ITGA11: variants seen among roughly 807,000 people sequenced by gnomAD.
ITGA11 encodes the protein integrin alpha-11.
A neutral mutation model predicts 141.9 loss-of-function variants in ITGA11; 97 were observed. That is an observed-to-expected ratio of 0.68 (90% CI 0.58 to 0.81). ITGA11 has a LOEUF of 0.81. Among genes scored for constraint, ITGA11 ranks in the 30% least tolerant of loss-of-function variants. The pLI, the probability that ITGA11 is intolerant of heterozygous loss-of-function variation, is 0.00. For synonymous variants in ITGA11, 658 were observed against 624.6 expected (o/e 1.05, Z -0.80); for missense variants, 1,387 against 1,559.2 (o/e 0.89, Z 1.86).
chr15:68,420,934 A>AG (rs886828570), intron 1 of ITGA11, among the ~76,000 whole-genome samples: 70 of 152,264 alleles, frequency 4.6e-4, no homozygotes, highest in African/African-American at 1.7e-3. Flanking sequence ...GAATGCATGC[A>AG]GGGGGGTTGA....
At chr15:68,340,262 A>G (rs1400958602) in intron 10 of ITGA11, among the ~76,000 whole-genome samples, 2 of 152,088 alleles carry the variant, frequency 1.3e-5, no homozygotes, top group African/African-American at 4.8e-5. Context: ...ACTGTGATCA[A>G]CGCAATCAGG....
intron 5 of ITGA11, among the ~76,000 whole-genome samples, chr15:68,360,912 T>C (rs1895223043): frequency 6.6e-6 from 1 of 152,020 alleles, no homozygotes; most frequent in African/African-American, 2.4e-5. Context: ...GAGGTGCCAA[T>C]TCCCGAACCC....
chr15:68,403,516 A>G (rs1406444919), intron 1 of ITGA11, among the ~76,000 whole-genome samples: 1 of 151,908 alleles, frequency 6.6e-6, no homozygotes, highest in Non-Finnish European at 1.5e-5. Context: ...TTCACCTTCC[A>G]CCATGATTGG....
chr15:68,356,969 C>G, intron 7 of ITGA11, 182 bp downstream of exon 7: 2 of 598,584 alleles, frequency 3.3e-6, no homozygotes, highest in Non-Finnish European at 5.8e-6. Flanking sequence ...CAGACTGCAA[C>G]TACCTGAGAG....
chr15:68,400,578 ATATATATTTTATATAT>A (rs1362188367), intron 2 of ITGA11, among the ~76,000 whole-genome samples: 6 of 105,612 alleles, frequency 5.7e-5, no homozygotes, highest in Non-Finnish European at 9.1e-5. Context: ...TATACAGAAT[ATATATATTTTATATAT>A]TATATATTAT....
Position 68,331,041 on chromosome 15 carries a change from A to C in ITGA11, c.1841T>G (p.Leu614Arg). 6.2e-7 allele frequency: 1 copy of C among 1,613,016 alleles called. No homozygotes were observed. The highest frequency in any genetic ancestry group is 8.5e-7 in the Non-Finnish European group (1 of 1,179,568). Residue 614 changes from leucine (L) to arginine (R), a missense_variant, in exon 15 of 30, where the codon CTC becomes CGC. Physicochemically the swap from Leu to Arg is moderately radical, Grantham distance 102. Coordinates refer to ENST00000315757, the MANE Select transcript of ITGA11 (RefSeq NM_001004439.2). ...CAGGTCGATGAGCCCATCCTCATTG[A>C]GGTCCAATTGCCCGTGGATGCTGCA... ...FGCSIHGQLD[L>R]NEDGLIDLAV...
intron 10 of ITGA11, among the ~76,000 whole-genome samples, chr15:68,340,171 C>T (rs909185571): frequency 2.0e-5 from 3 of 150,902 alleles, no homozygotes; most frequent in South Asian, 4.2e-4. Flanking sequence ...TATTGTCCCC[C>T]GTATCCCCGC....
In ITGA11 at chr15:68,330,972, G is replaced by A. The variant is rs777416149; in HGVS notation, c.1901+9C>T. On this transcript the variant is annotated intron_variant, in intron 15 of 29. Transcript: ENST00000315757. Reference sequence around the variant, plus strand: ...GAGCCCAGGAGGTGGGAACAGCGGGGGAACCAACCACAGAATCACAGCGTT... The same window carrying A: ...GAGCCCAGGAGGTGGGAACAGCGGGAGAACCAACCACAGAATCACAGCGTT... 70 of 1,613,068 alleles carry A rather than the reference G, an allele frequency of 4.3e-5. No homozygotes were observed. Among genetic ancestry groups the A allele is most frequent in the African/African-American group, 1.5e-4 (11 of 74,878 alleles).
chr15:68,396,279 C>G (rs1435734675), intron 2 of ITGA11, among the ~76,000 whole-genome samples: 4 of 142,808 alleles, frequency 2.8e-5, no homozygotes, highest in South Asian at 2.3e-4. Context: ...ATCAATCAAT[C>G]AATGTAATTA....
chr15:68,377,044 A>T (rs991035031), intron 2 of ITGA11, among the ~76,000 whole-genome samples: 2 of 152,202 alleles, frequency 1.3e-5, no homozygotes, highest in Non-Finnish European at 2.9e-5. Flanking sequence ...GTATCTGGGG[A>T]TCATGACCAC....
rs373820467 is a variant in ITGA11, at chr15:68,321,291, G to A, written c.2408+127C>T. 1.5e-5 allele frequency: 8 copies of A among 521,322 alleles called. No individual in the cohort carries two copies. The South Asian group carries it at 2.8e-4, about 18-fold the overall frequency. 32.3% of individuals were successfully genotyped at this position (521,322 alleles called of 1,614,324 possible). ...GCCTGGGCTAGAACGCAGGCTCCAAGTGCAATGTTTGATCCATGCTGCCTG... is the reference window on the plus strand; with the variant it reads ...GCCTGGGCTAGAACGCAGGCTCCAAATGCAATGTTTGATCCATGCTGCCTG... On this transcript the variant is annotated intron_variant, in intron 19 of 29. Coordinates refer to ENST00000315757, the MANE Select transcript of ITGA11 (RefSeq NM_001004439.2). This position sits in a 1 kb window ranked among gnomAD's most constrained non-coding sequence, Gnocchi z 4.9.
At chr15:68,414,074 G>A (rs1173584605) in intron 1 of ITGA11, among the ~76,000 whole-genome samples, 1 of 152,176 alleles carries the variant, frequency 6.6e-6, no homozygotes, top group Non-Finnish European at 1.5e-5. Flanking sequence ...TCCAGGCGAT[G>A]TGGTCACCTT....
intron 1 of ITGA11, 27 bp downstream of exon 1, chr15:68,431,988 A>C: frequency 7.7e-7 from 1 of 1,296,164 alleles, no homozygotes; most frequent in South Asian, 2.7e-5. Context: ...TCCGAGAGGC[A>C]AGGGGAGGCA....
Position 68,331,003 on chromosome 15 carries a change from G to C in ITGA11, c.1879C>G (p.Leu627Val), listed in dbSNP as rs780061726. The C allele has an allele frequency of 6.2e-7, 1 of 1,613,880 alleles. No homozygotes were observed. Among genetic ancestry groups the C allele is most frequent in the East Asian group, 2.2e-5 (1 of 44,878 alleles). ...AACCACAGAATCACAGCGTTGCCAA[G>C]GGCTCCCACTGCCAGGTCGATGAGC... ...DGLIDLAVGALGNAVILWSRP... is the reference protein window; with the variant it reads ...DGLIDLAVGAVGNAVILWSRP... Residue 627 changes from leucine to valine, a missense_variant, in exon 15 of 30, where the codon CTT becomes GTT. Physicochemically the swap from Leu to Val is conservative, Grantham distance 32 (BLOSUM62 1). Transcript: ENST00000315757.
intron 10 of ITGA11, among the ~76,000 whole-genome samples, chr15:68,341,425 T>C (rs1894565690): frequency 6.6e-6 from 1 of 152,220 alleles, no homozygotes; most frequent in Non-Finnish European, 1.5e-5. Context: ...GAAGGACAGA[T>C]GTTCATTATT....
At position 68,358,512 on chromosome 15, in the gene ITGA11, C is replaced by A. The variant is rs780346477; in HGVS notation, c.546G>T (p.Gln182His). 3.1e-6 allele frequency: 5 copies of A among 1,614,000 alleles called. No individual in the cohort carries two copies. The African/African-American group carries it at 6.7e-5, about 22-fold the overall frequency. The change falls in exon 6 of 30, where the codon CAG becomes CAT. Residue 182 changes from glutamine to histidine, a missense_variant. Coordinates refer to ENST00000315757, the MANE Select transcript of ITGA11 (RefSeq NM_001004439.2). ...SNSIYPWVEV[Q>H]HFLINILKKF... Reference sequence around the variant, plus strand: ...TTTTCAGGATGTTGATGAGGAAGTGCTGAACCTCCACCCAGGGGTAGATGC... The same window carrying A: ...TTTTCAGGATGTTGATGAGGAAGTGATGAACCTCCACCCAGGGGTAGATGC...
intron 1 of ITGA11, among the ~76,000 whole-genome samples, chr15:68,404,322 C>T (rs1289726543): frequency 2.6e-5 from 4 of 152,110 alleles, no homozygotes; most frequent in African/African-American, 4.8e-5. Context: ...TCTGCTTGGC[C>T]GGGGCAGCTG....
At chr15:68,420,360 C>T (rs1896987130) in intron 1 of ITGA11, among the ~76,000 whole-genome samples, 1 of 152,164 alleles carries the variant, frequency 6.6e-6, no homozygotes, top group Admixed American at 6.5e-5. Context: ...TGATGAATAG[C>T]ATGGGGCCAG....
At chr15:68,356,852 A>T (rs1429365620) in intron 7 of ITGA11, among the ~76,000 whole-genome samples, 1 of 152,170 alleles carries the variant, frequency 6.6e-6, no homozygotes, top group Non-Finnish European at 1.5e-5. Context: ...CCACATGGCT[A>T]CGTGTGGGTG....
Sources: gnomAD v4.1 joint callset for allele counts (sites outside exome capture counted in the v4.1 genomes callset) on GRCh38, gnomAD v4.1.1 for gene constraint, Gnocchi (gnomAD v3.1) non-coding constraint, MANE v1.5 for transcripts, NCBI Gene and HGNC (gene_info 2026-07-23, HGNC 2026-07-21) for gene names.